SEC14L1: variants seen among roughly 807,000 people sequenced by gnomAD.
SEC14L1 encodes the protein SEC14 like lipid binding 1, also known as SEC14-like protein 1.
In SEC14L1, 48 loss-of-function variants were observed where a neutral mutation model predicts 85.3. That is an observed-to-expected ratio of 0.56 (90% CI 0.45 to 0.72). The LOEUF (loss-of-function observed/expected upper bound fraction) is 0.72. Ranked by LOEUF, SEC14L1 falls within the 30% of genes least tolerant of loss-of-function variation. The pLI, the probability that SEC14L1 is intolerant of heterozygous loss-of-function variation, is 0.00. For missense variants in SEC14L1, 682 were observed against 921.4 expected, an observed-to-expected ratio of 0.74 and a Z score of 3.36; for synonymous variants, 391 against 355.5, an observed-to-expected ratio of 1.10 and a Z score of -1.12.
intron 5 of SEC14L1, 31 bp downstream of exon 5, chr17:77,191,343 T>A (rs531791468): frequency 1.2e-6 from 2 of 1,612,822 alleles, no homozygotes; most frequent in South Asian, 2.2e-5. Flanking sequence ...CGGAAGATGT[T>A]CTGCCGACAT....
At chr17:77,110,042 C>G (rs963783648) in intron 3 of SEC14L1, among the ~76,000 whole-genome samples, 4 of 152,164 alleles carry the variant, frequency 2.6e-5, no homozygotes, top group African/African-American at 9.7e-5. Context: ...GACTTCAGGC[C>G]AACTGCTTCC....
chr17:77,137,056 T>C (rs935126196), upstream of SEC14L1, among the ~76,000 whole-genome samples: 5 of 151,984 alleles, frequency 3.3e-5, no homozygotes, highest in African/African-American at 7.3e-5. Context: ...ATTATAGGCA[T>C]GTGCCACCAT....
At chr17:77,196,930 A>T (rs991558217) in intron 8 of SEC14L1, among the ~76,000 whole-genome samples, 1 of 152,154 alleles carries the variant, frequency 6.6e-6, no homozygotes, top group Non-Finnish European at 1.5e-5. Context: ...TGTATTAGAC[A>T]CTGTTTTCAG....
At chr17:77,193,624 G>A (rs1281216588) in intron 6 of SEC14L1, 75 bp downstream of exon 6, 52 of 1,462,864 alleles carry the variant, frequency 3.6e-5, no homozygotes, top group Non-Finnish European at 4.7e-5. Flanking sequence ...GGAAGGCTGG[G>A]GATGGCTTAG....
At chr17:77,122,864 G>A (rs558595498) in intron 3 of SEC14L1, among the ~76,000 whole-genome samples, 14 of 152,118 alleles carry the variant, frequency 9.2e-5, no homozygotes, top group Non-Finnish European at 1.8e-4. Context: ...TCCATCACAG[G>A]TTGCATCCCC....
intron 3 of SEC14L1, among the ~76,000 whole-genome samples, chr17:77,100,116 C>T (rs1044209430): frequency 6.6e-6 from 1 of 152,232 alleles, no homozygotes; most frequent in Non-Finnish European, 1.5e-5. Flanking sequence ...TTCCGAGGAG[C>T]GGGCGTGCTG....
rs1972386042 is a variant in SEC14L1, at chr17:77,124,489, G to C, written c.-135-18157G>C. ...CCTTAGCTGTGTATCACTGGGTCAC[G>C]GGAGGTAGGCTGCTGAACTGGGGCC... On this transcript the variant is annotated intron_variant, in intron 3 of 19. Coordinates refer to the SEC14L1 transcript ENST00000392476. 2.0e-5 allele frequency among the ~76,000 whole-genome samples: 3 copies of C among 152,214 alleles called. No homozygotes were observed. In the South Asian group the frequency reaches 6.2e-4, roughly 31 times the overall value.
At chr17:77,188,867 C>T (rs1224209038) in intron 3 of SEC14L1, among the ~76,000 whole-genome samples, 2 of 152,126 alleles carry the variant, frequency 1.3e-5, no homozygotes, top group Non-Finnish European at 2.9e-5. Context: ...TTGCATTTCC[C>T]TAATGGCCCT....
rs1975713607 is a variant in SEC14L1, at chr17:77,194,716, G to C, written c.514G>C (p.Glu172Gln). Reference protein sequence around the residue: ...IIEYYLRQLEEEGITFVPRWS... With the variant: ...IIEYYLRQLEQEGITFVPRWS... ...CGAATACTACCTTCGCCAATTAGAA[G>C]AAGAAGGCATAACCTTTGTGCCCCG... Residue 172 changes from glutamate (E) to glutamine (Q), a missense_variant, in exon 7 of 17, where the codon GAA (glutamate) becomes CAA (glutamine). Transcript: ENST00000436233. 5 of 1,614,060 alleles carry C rather than the reference G, an allele frequency of 3.1e-6. No homozygotes were observed. The highest frequency in any genetic ancestry group is 1.7e-5 in the Admixed American group (1 of 60,012).
intron 3 of SEC14L1, among the ~76,000 whole-genome samples, chr17:77,160,361 T>C (rs1406440912): frequency 6.6e-6 from 1 of 152,262 alleles, no homozygotes; most frequent in Non-Finnish European, 1.5e-5. Flanking sequence ...TGCACACTGC[T>C]ATTTTGTTGT....
chr17:77,116,108 T>C (rs1158905962), intron 3 of SEC14L1, among the ~76,000 whole-genome samples: 1 of 151,956 alleles, frequency 6.6e-6, no homozygotes, highest in East Asian at 1.9e-4. Flanking sequence ...TTTGTAGAGA[T>C]GGGGTCTCAC....
rs1377578225 is a variant in SEC14L1 at position 77,135,043 on chromosome 17, T to C, written c.-135-7603T>C. ...CTGTCCCTGAAGCCTGGTGAATTCA[T>C]GTCTAGCAAGGACACCAGTGGCCCT... On this transcript the variant is annotated intron_variant, in intron 3 of 19. Coordinates refer to the SEC14L1 transcript ENST00000392476. 2.6e-5 allele frequency among the ~76,000 whole-genome samples: 4 copies of C among 152,214 alleles called. No individual in the cohort carries two copies. In the East Asian group the frequency reaches 7.7e-4, roughly 29 times the overall value.
chr17:77,207,128 G>A (rs1976501566), intron 13 of SEC14L1, among the ~76,000 whole-genome samples: 1 of 152,172 alleles, frequency 6.6e-6, no homozygotes, highest in Non-Finnish European at 1.5e-5. Flanking sequence ...TGATTCACAC[G>A]GCTTTGTGTG....
intron 3 of SEC14L1, among the ~76,000 whole-genome samples, chr17:77,161,124 A>C (rs1450564318): frequency 1.3e-5 from 2 of 152,228 alleles, no homozygotes; most frequent in African/African-American, 2.4e-5. Context: ...TGTTGTTTAC[A>C]TTTTATAATT....
At chr17:77,143,465 T>C in intron 2 of SEC14L1, 102 bp from the exon 3 acceptor site, 2 of 640,174 alleles carry the variant, frequency 3.1e-6, no homozygotes, top group South Asian at 4.1e-5. Context: ...CCTATTGTGG[T>C]CTCTTTCTGT....
In SEC14L1 at chr17:77,213,467, G is replaced by A. The variant is rs528782418; in HGVS notation, c.2017G>A (p.Glu673Lys). Reference sequence around the variant, plus strand: ...CAAGTGTAAAGTGATGTACTACACCGAGGTGATCGGCTCGGAGGATTTCAG... The same window carrying A: ...CAAGTGTAAAGTGATGTACTACACCAAGGTGATCGGCTCGGAGGATTTCAG... Reference protein sequence around the residue: ...SHKCKVMYYTEVIGSEDFRGS... With the variant: ...SHKCKVMYYTKVIGSEDFRGS... The change falls in exon 16 of 17, where the codon GAG becomes AAG. Residue 673 changes from glutamate (E) to lysine (K), a missense_variant. Coordinates refer to ENST00000436233, the MANE Select transcript of SEC14L1 (RefSeq NM_001143998.2). The surrounding 1 kb of genome is among the most constrained non-coding windows in gnomAD (Gnocchi z 7.1). The A allele has an allele frequency of 1.2e-6, 2 of 1,611,190 alleles. No individual in the cohort carries two copies. The highest frequency in any genetic ancestry group is 1.7e-6 in the Non-Finnish European group (2 of 1,180,038).
chr17:77,169,492 C>A (rs941991176), intron 3 of SEC14L1, among the ~76,000 whole-genome samples: 2 of 152,222 alleles, frequency 1.3e-5, no homozygotes, highest in African/African-American at 4.8e-5. Context: ...GGCCTGCCTG[C>A]CGCACAAGCC....
intron 5 of SEC14L1, among the ~76,000 whole-genome samples, chr17:77,192,085 A>G (rs1433449775): frequency 6.6e-6 from 1 of 152,134 alleles, no homozygotes; most frequent in Non-Finnish European, 1.5e-5. Flanking sequence ...GTGAGCCACC[A>G]CGCCTGGCCT....
intron 7 of SEC14L1, 182 bp downstream of exon 7, chr17:77,195,093 T>C: frequency 1.7e-6 from 1 of 577,794 alleles, no homozygotes; most frequent in Non-Finnish European, 3.1e-6. Flanking sequence ...TTTTACCTTT[T>C]ATTAGATTTT....
Sources: gnomAD v4.1 joint callset for allele counts (sites outside exome capture counted in the v4.1 genomes callset) on GRCh38, gnomAD v4.1.1 for gene constraint, Gnocchi (gnomAD v3.1) non-coding constraint, MANE v1.5 for transcripts, NCBI Gene and HGNC (gene_info 2026-07-23, HGNC 2026-07-21) for gene names.